Variants in FKBP10 observed in about 807,000 individuals in gnomAD.
The protein encoded by FKBP10 is FKBP prolyl isomerase 10, also known as peptidyl-prolyl cis-trans isomerase FKBP10.
A neutral mutation model predicts 53.7 loss-of-function variants in FKBP10; 34 were observed. The observed-to-expected ratio is 0.63, with a 90% confidence interval of 0.48 to 0.84. The LOEUF is 0.84. FKBP10 is among the 40% of genes least tolerant of loss of function. FKBP10 has a pLI of 0.00. For missense variants in FKBP10, 748 were observed against 797.8 expected (o/e 0.94, Z 0.75); for synonymous variants, 324 against 335.7 (o/e 0.97, Z 0.38).
chr17:41,813,880 G>C (rs1248854843), intron 1 of FKBP10, among the ~76,000 whole-genome samples: 1 of 152,128 alleles, frequency 6.6e-6, no homozygotes, highest in Non-Finnish European at 1.5e-5. Context: ...TCACACAGTC[G>C]GACATGCCAC....
intron 6 of FKBP10, 46 bp from the exon 7 acceptor site, chr17:41,820,223 T>C (rs781957953): frequency 6.2e-7 from 1 of 1,602,994 alleles, no homozygotes; most frequent in South Asian, 1.1e-5. Context: ...TCAAGTAGCC[T>C]CTCCTAGTGC....
chr17:41,818,787 CTA>C (rs781978942), intron 4 of FKBP10: 1 of 470,596 alleles, frequency 2.1e-6, no homozygotes, highest in Non-Finnish European at 3.9e-6. Context: ...AACCCCGTCT[CTA>C]CTAAAAATAC....
chr17:41,821,111 CTTTTTTTTTTTTTTTTTTTT>C (rs10522999), intron 8 of FKBP10, 22 bp downstream of exon 8: 1 of 434,598 alleles, frequency 2.3e-6, no homozygotes. Context: ...AGACCATAAT[CTTTTTTTTTTTTTTTTTTTT>C]TTTTTTTTTG....
intron 7 of FKBP10, 109 bp downstream of exon 7, chr17:41,820,570 A>AGGGGAGCATT (rs1167310237): frequency 8.7e-7 from 1 of 1,151,328 alleles, no homozygotes; most frequent in East Asian, 2.4e-5. Context: ...CTCGAGCGCC[A>AGGGGAGCATT]GGGGAGCATT....
Position 41,818,469 on chromosome 17 carries a change from TG to T in FKBP10, c.671del (p.Gly224GlufsTer22), listed in dbSNP as rs1178778067. On this transcript the variant is annotated frameshift_variant, in exon 4 of 10. Coordinates refer to ENST00000321562, the MANE Select transcript of FKBP10 (RefSeq NM_021939.4). LOFTEE classifies it high-confidence loss of function. ...MDQGLLGMCP[G>X]ERRKIIIPPF... ...ACCAGGGGCTGCTGGGCATGTGTCC[TG>T]GAGAGAGAAGGAAGATTATCATCCC... 6.2e-7 allele frequency: 1 copy of T among 1,614,042 alleles called. No homozygotes were observed. Among genetic ancestry groups the T allele is most frequent in the African/African-American group, 1.3e-5 (1 of 74,916 alleles).
Position 41,819,285 on chromosome 17 carries a change from T to G in FKBP10, c.803T>G (p.Val268Gly). 1 of 1,614,134 alleles carries G rather than the reference T, an allele frequency of 6.2e-7. No homozygotes were observed. The highest frequency in any genetic ancestry group is 8.5e-7 in the Non-Finnish European group (1 of 1,180,032). Reference protein sequence around the residue: ...LIDVHNPKDAVQLETLELPPG... With the variant: ...LIDVHNPKDAGQLETLELPPG... Reference sequence around the variant, plus strand: ...GACGTGCACAACCCGAAGGACGCTGTCCAGCTAGAGACGCTGGAGCTCCCC... The same window carrying G: ...GACGTGCACAACCCGAAGGACGCTGGCCAGCTAGAGACGCTGGAGCTCCCC... The change falls in exon 5 of 10, where the codon GTC (valine) becomes GGC (glycine). Residue 268 changes from valine to glycine, a missense_variant. Val to Gly is a moderately radical substitution (Grantham distance 109, BLOSUM62 -3). Transcript: ENST00000321562.
chr17:41,819,539 C>A lies in FKBP10; in HGVS notation c.927C>A (p.Arg309=), dbSNP rs1555616622. 1.2e-6 allele frequency: 2 copies of A among 1,614,144 alleles called. No individual in the cohort carries two copies. Among genetic ancestry groups the A allele is most frequent in the East Asian group, 2.2e-5 (1 of 44,870 alleles). ...DGTLFDSSYS[R]NHTYNTYIGQ... ...CCGCCTTGTATTGCAGCTACTCCCGCAACCACACCTACAATACCTATATCG... is the reference window on the plus strand; with the variant it reads ...CCGCCTTGTATTGCAGCTACTCCCGAAACCACACCTACAATACCTATATCG... The change falls in exon 6 of 10, where the codon CGC becomes CGA. Residue 309 remains arginine, a synonymous_variant. Coordinates refer to ENST00000321562, the MANE Select transcript of FKBP10 (RefSeq NM_021939.4).
At position 41,822,487 on chromosome 17, in the gene FKBP10, C is replaced by G. The variant is rs1026332340; in HGVS notation, c.*79C>G. On this transcript the variant is annotated 3_prime_UTR_variant, in exon 10 of 10. Coordinates refer to ENST00000321562, the MANE Select transcript of FKBP10 (RefSeq NM_021939.4). ...AGTGGCGGTGGGACTGACCTGCTGA[C>G]AGTCACCCTCCCTCTGCTGGGATGA... 4.1e-6 allele frequency: 6 copies of G among 1,474,428 alleles called. No individual in the cohort carries two copies. The Admixed American group carries it at 9.8e-5, about 24-fold the overall frequency. The allele number at this position is 1,474,428 out of a possible 1,614,324, so 91.3% of individuals were successfully genotyped here. A position where few individuals can be genotyped will look rare whatever the true frequency, so the allele number is the denominator to read the frequency against.
intron 1 of FKBP10, among the ~76,000 whole-genome samples, chr17:41,813,808 AG>A (rs1196752529): frequency 6.6e-6 from 1 of 152,140 alleles, no homozygotes; most frequent in Non-Finnish European, 1.5e-5. Context: ...GGGTATTATA[AG>A]AAGACAGCCG....
intron 1 of FKBP10, among the ~76,000 whole-genome samples, chr17:41,816,825 GTCC>G (rs1383378612): frequency 2.6e-5 from 4 of 152,330 alleles, no homozygotes; most frequent in Non-Finnish European, 5.9e-5. Context: ...AGCAGCCCTT[GTCC>G]TCCTCAGGGA....
chr17:41,821,533 T>C, intron 8 of FKBP10, 121 bp from the exon 9 acceptor site: 1 of 1,241,086 alleles, frequency 8.1e-7, no homozygotes, highest in Non-Finnish European at 1.1e-6. Context: ...AAACATCCCA[T>C]GCCCCACTCT....
chr17:41,822,661 T>C lies in FKBP10; in HGVS notation c.*253T>C, dbSNP rs1478746527. 3.7e-6 allele frequency: 2 copies of C among 545,446 alleles called. No homozygotes were observed. Among genetic ancestry groups the C allele is most frequent in the Non-Finnish European group, 6.6e-6 (2 of 303,002 alleles). 33.8% of individuals were successfully genotyped at this position (545,446 alleles called of 1,614,324 possible). ...AATGTTTGGATTTGCAAAGCCAATT[T>C]GGGGCCTGTGGAGCCTGGGGTTGGA... On this transcript the variant is annotated 3_prime_UTR_variant, in exon 10 of 10. Coordinates refer to ENST00000321562, the MANE Select transcript of FKBP10 (RefSeq NM_021939.4).
At chr17:41,816,174 A>C (rs2047812838) in intron 1 of FKBP10, among the ~76,000 whole-genome samples, 1 of 151,360 alleles carries the variant, frequency 6.6e-6, no homozygotes, top group South Asian at 2.1e-4. Context: ...AAATACATTA[A>C]TTAAAAGTGT....
At chr17:41,819,080 C>A in intron 4 of FKBP10, 130 bp from the exon 5 acceptor site, 1 of 944,810 alleles carries the variant, frequency 1.1e-6, no homozygotes. Flanking sequence ...AGCAGGGCTG[C>A]TGATGGGCGG....
Position 41,818,202 on chromosome 17 carries a change from C to A in FKBP10, c.505C>A (p.Arg169Ser), listed in dbSNP as rs782676847. The A allele has an allele frequency of 9.3e-6, 15 of 1,613,674 alleles. No individual in the cohort carries two copies. The highest frequency in any genetic ancestry group is 1.3e-5 in the African/African-American group (1 of 75,062). Reference sequence around the variant, plus strand: ...ATTGCTGCGCCCGCCCCACTGCCCCCGCATGGTCCAGGACGGCGACTTTGT... The same window carrying A: ...ATTGCTGCGCCCGCCCCACTGCCCCAGCATGGTCCAGGACGGCGACTTTGT... ...STLLRPPHCP[R>S]MVQDGDFVRY... is the part of the protein sequence containing the mutation. Residue 169 changes from arginine to serine, a missense_variant, in exon 3 of 10, where the codon CGC becomes AGC. Transcript: ENST00000321562.
In FKBP10 at chr17:41,819,644, C is replaced by G. The variant is rs782322984; in HGVS notation, c.1032C>G (p.Pro344=). The G allele has an allele frequency of 2.9e-5, 46 of 1,610,392 alleles. No individual in the cohort carries two copies. Among genetic ancestry groups the G allele is most frequent in the Non-Finnish European group, 3.6e-5 (43 of 1,178,592 alleles). Residue 344 remains proline, a synonymous_variant, in exon 6 of 10, where the codon CCC becomes CCG. Coordinates refer to ENST00000321562, the MANE Select transcript of FKBP10 (RefSeq NM_021939.4). ...CMGERRRITI[P]PHLAYGENGT... ...GGGAACGCCGGAGAATTACCATCCCCCCGCACCTCGCCTATGGGGAGAATG... is the reference window on the plus strand; with the variant it reads ...GGGAACGCCGGAGAATTACCATCCCGCCGCACCTCGCCTATGGGGAGAATG...
At chr17:41,818,663 G>A (rs1225696657) in intron 4 of FKBP10, 136 bp downstream of exon 4, 13 of 1,235,660 alleles carry the variant, frequency 1.1e-5, no homozygotes, top group Admixed American at 4.0e-5. Context: ...TCTACCCTTG[G>A]TGCTACTAAG....
chr17:41,820,112 G>GT (rs1285102331), intron 6 of FKBP10, 157 bp from the exon 7 acceptor site: 19 of 1,225,632 alleles, frequency 1.6e-5, no homozygotes, highest in Non-Finnish European at 2.2e-5. Flanking sequence ...CCCAGTGAAA[G>GT]TTTGTTAGAA....
In FKBP10 at chr17:41,820,468, C is replaced by T. The variant is rs782689051; in HGVS notation, c.1256+7C>T. 5 of 1,606,930 alleles carry T rather than the reference C, an allele frequency of 3.1e-6. No homozygotes were observed. In the South Asian group the frequency reaches 5.5e-5, roughly 18 times the overall value. The stretch of plus-strand genomic sequence containing the variant: ...GCACCCAGCTGTTCACCTCGTGGGT[C>T]CGGGGGGGGGCCGGGACTGGGCAGG... On this transcript the variant is annotated splice_region_variant and intron_variant, in intron 7 of 9. Coordinates refer to ENST00000321562, the MANE Select transcript of FKBP10 (RefSeq NM_021939.4).
Sources: allele counts gnomAD v4.1 joint callset (sites outside exome capture counted in the v4.1 genomes callset), GRCh38; gene constraint gnomAD v4.1.1; transcripts MANE v1.5; gene names NCBI Gene and HGNC (gene_info 2026-07-23, HGNC 2026-07-21).